PDE4D: variants seen among roughly 807,000 people sequenced by gnomAD.
PDE4D encodes 3',5'-cyclic-AMP phosphodiesterase 4D.
Under a neutral mutation model 87.4 loss-of-function variants are expected in PDE4D, and 24 were observed. The ratio of observed to expected loss-of-function variants is 0.27; its 90% CI spans 0.20 to 0.39. The LOEUF (loss-of-function observed/expected upper bound fraction) is 0.39, where lower values mean the gene tolerates loss of function less well. PDE4D is among the 10% of genes least tolerant of loss of function. The pLI is 1.00. For missense variants in PDE4D, 714 were observed against 1,041.0 expected (o/e 0.69, Z 4.32); for synonymous variants, 384 against 383.2 (o/e 1.00, Z -0.02).
rs368209274 is a variant in PDE4D, at chr5:59,370,879, C to T, written c.456-154911G>A. ...GATATTGGCCTATAAAAAGTGTAAG[C>T]AGCCTCTGCTCACCAGAAGTATGAA... On this transcript the variant is annotated intron_variant, in intron 1 of 14. Coordinates refer to ENST00000340635, the MANE Select transcript of PDE4D (RefSeq NM_001104631.2). 1.1e-4 allele frequency among the ~76,000 whole-genome samples: 16 copies of T among 152,284 alleles called. No homozygotes were observed. The East Asian group carries it at 2.5e-3, about 24-fold the overall frequency.
chr5:60,088,623 C>T (rs996282082), intron 2 of PDE4D, among the ~76,000 whole-genome samples: 1 of 151,532 alleles, frequency 6.6e-6, no homozygotes, highest in Non-Finnish European at 1.5e-5. Context: ...TTTTTATAAG[C>T]CTTGTAGTAA....
At chr5:60,073,707 G>C (rs547052413) in intron 2 of PDE4D, among the ~76,000 whole-genome samples, 1 of 151,994 alleles carries the variant, frequency 6.6e-6, no homozygotes, top group South Asian at 2.1e-4. Context: ...TTCACAGTTC[G>C]TTATTGGTCT....
At chr5:60,289,341 A>C (rs1752690918) in intron 1 of PDE4D, among the ~76,000 whole-genome samples, 2 of 152,178 alleles carry the variant, frequency 1.3e-5, no homozygotes, top group Admixed American at 6.5e-5. Context: ...AGGAGCTCAA[A>C]ATAAGCATGA....
rs116756685 is a variant in PDE4D at position 59,527,970 on chromosome 5, C to T, written c.456-312002G>A. Among the ~76,000 whole-genome samples, 379 of 150,362 alleles carry T rather than the reference C, an allele frequency of 2.5e-3. 1 individual carries two copies. Among genetic ancestry groups the T allele is most frequent in the African/African-American group, 9.0e-3 (371 of 41,406 alleles). The stretch of plus-strand genomic sequence containing the variant: ...TCTGTTATATCTGAAACCTCAACTC[C>T]TCAACTCCTTTTTTGTTAGTTGACC... On this transcript the variant is annotated intron_variant, in intron 1 of 14. Coordinates refer to ENST00000340635, the MANE Select transcript of PDE4D (RefSeq NM_001104631.2).
intron 1 of PDE4D, among the ~76,000 whole-genome samples, chr5:59,464,363 G>A (rs984115436): frequency 4.0e-5 from 6 of 151,846 alleles, no homozygotes; most frequent in Non-Finnish European, 5.9e-5. Flanking sequence ...GGGAAAAACC[G>A]CCTTAAGGCT....
At chr5:59,594,755 G>C (rs939939483) in intron 1 of PDE4D, among the ~76,000 whole-genome samples, 2 of 152,136 alleles carry the variant, frequency 1.3e-5, no homozygotes, top group Non-Finnish European at 2.9e-5. Flanking sequence ...ATCAGAACTA[G>C]ACATGCCAGA....
intron 1 of PDE4D, among the ~76,000 whole-genome samples, chr5:59,867,849 T>C (rs1333889710): frequency 6.6e-6 from 1 of 152,198 alleles, no homozygotes; most frequent in Non-Finnish European, 1.5e-5. Flanking sequence ...TATTATGTCT[T>C]AGCATTTGAG....
rs192058182 is a variant in PDE4D at position 59,283,496 on chromosome 5, C to T, written c.456-67528G>A. Among the ~76,000 whole-genome samples the T allele has an allele frequency of 2.1e-4, 32 of 152,182 alleles. 2 individuals are homozygous for T. The East Asian group carries it at 5.2e-3, about 25-fold the overall frequency. ...TATTCCTTACAGGATCAATTTCAGC[C>T]TTTTTTGTGTGTTAAATAAAAACTT... On this transcript the variant is annotated intron_variant, in intron 1 of 14. Coordinates refer to ENST00000340635, the MANE Select transcript of PDE4D (RefSeq NM_001104631.2).
chr5:59,478,041 G>A (rs867177122), intron 1 of PDE4D, among the ~76,000 whole-genome samples: 2 of 151,898 alleles, frequency 1.3e-5, no homozygotes, highest in Non-Finnish European at 2.9e-5. Flanking sequence ...CAGACTACTA[G>A]AAGGGGAAGG....
intron 1 of PDE4D, among the ~76,000 whole-genome samples, chr5:60,425,070 G>A (rs1251897487): frequency 1.3e-5 from 2 of 152,148 alleles, no homozygotes; most frequent in African/African-American, 2.4e-5. Context: ...CATGCTTATG[G>A]ATGGGAAGAA....
At chr5:59,501,748 ACTAC>A (rs1410636096) in intron 1 of PDE4D, among the ~76,000 whole-genome samples, 1 of 152,160 alleles carries the variant, frequency 6.6e-6, no homozygotes, top group East Asian at 1.9e-4. Flanking sequence ...GATTGGAGAC[ACTAC>A]CTAACTACAC....
intron 1 of PDE4D, among the ~76,000 whole-genome samples, chr5:59,273,424 A>G (rs1033072164): frequency 2.8e-5 from 4 of 143,586 alleles, no homozygotes; most frequent in African/African-American, 9.9e-5. Flanking sequence ...TATACATGTA[A>G]TTAAATAAAT....
chr5:60,006,347 T>C (rs1381926759), intron 2 of PDE4D, among the ~76,000 whole-genome samples: 1 of 151,952 alleles, frequency 6.6e-6, no homozygotes, highest in Non-Finnish European at 1.5e-5. Context: ...TTTGAAATTC[T>C]CAACTACGTA....
intron 11 of PDE4D, among the ~76,000 whole-genome samples, chr5:58,978,716 T>C (rs1228655980): frequency 6.6e-6 from 1 of 152,142 alleles, no homozygotes; most frequent in Admixed American, 6.5e-5. Flanking sequence ...TTTAGACTAG[T>C]AGGGAGTAGG....
chr5:60,242,879 A>G (rs1357271146), intron 1 of PDE4D, among the ~76,000 whole-genome samples: 2 of 151,940 alleles, frequency 1.3e-5, no homozygotes, highest in Admixed American at 6.6e-5. Context: ...ATCAAAAAAG[A>G]ATTAAAACTT....
chr5:59,904,752 A>T (rs1488854445), intron 3 of PDE4D, among the ~76,000 whole-genome samples: 5 of 152,210 alleles, frequency 3.3e-5, no homozygotes, highest in African/African-American at 1.2e-4. Context: ...GGGAACACTC[A>T]TAAACTAACT....
intron 1 of PDE4D, among the ~76,000 whole-genome samples, chr5:59,404,581 C>T (rs1481631657): frequency 2.7e-5 from 4 of 150,906 alleles, no homozygotes; most frequent in Non-Finnish European, 4.4e-5. Context: ...ATCACTTGAA[C>T]CCAGGAGGCA....
intron 3 of PDE4D, among the ~76,000 whole-genome samples, chr5:59,976,655 G>A (rs2152821849): frequency 6.6e-6 from 1 of 152,252 alleles, no homozygotes; most frequent in South Asian, 2.1e-4. Context: ...TTATAGCCAT[G>A]CAAAACAGAC....
At chr5:60,120,992 G>T (rs1778626361) in intron 2 of PDE4D, among the ~76,000 whole-genome samples, 1 of 152,062 alleles carries the variant, frequency 6.6e-6, no homozygotes, top group South Asian at 2.1e-4. Flanking sequence ...AAAGCAGGCA[G>T]AAGAATGTGA....
Sources: allele counts gnomAD v4.1 joint callset (sites outside exome capture counted in the v4.1 genomes callset), GRCh38; gene constraint gnomAD v4.1.1; transcripts MANE v1.5; gene names NCBI Gene and HGNC (gene_info 2026-07-23, HGNC 2026-07-21).